The following HS2ST1 variants were observed in gnomAD, a reference collection of about 807,000 sequenced individuals.
The protein encoded by HS2ST1 is 2-O-sulfotransferase.
HS2ST1 carries 18 observed loss-of-function variants against 42.9 expected under a neutral mutation model. The ratio of observed to expected loss-of-function variants is 0.42; its 90% CI spans 0.29 to 0.62. The LOEUF (loss-of-function observed/expected upper bound fraction) is 0.62. Ranked by LOEUF, HS2ST1 falls within the 20% of genes least tolerant of loss-of-function variation. The probability of loss-of-function intolerance (pLI) is 0.21; values close to 1 mark genes in which losing one functional copy is unlikely to be tolerated. For missense variants in HS2ST1, 334 were observed against 433.8 expected (o/e 0.77, Z 2.04); for synonymous variants, 146 against 152.9 (o/e 0.95, Z 0.33).
chr1:86,923,003 A>G (rs908339608), intron 1 of HS2ST1, among the ~76,000 whole-genome samples: 2 of 151,704 alleles, frequency 1.3e-5, no homozygotes, highest in East Asian at 1.9e-4. Flanking sequence ...GTGATGTTCT[A>G]TTCATCATTC....
chr1:87,107,070 C>T lies in HS2ST1; in HGVS notation c.*2374C>T, dbSNP rs1652341681. On this transcript the variant is annotated 3_prime_UTR_variant, in exon 7 of 7. Coordinates refer to ENST00000370550, the MANE Select transcript of HS2ST1 (RefSeq NM_012262.4). The stretch of plus-strand genomic sequence containing the variant: ...TGAGCACAGTTATGTTCCAATAAAA[C>T]TTTATTTACAAAAACAGATGACATC... 1 of 152,052 alleles carries T rather than the reference C, an allele frequency of 6.6e-6. No homozygotes were observed. The highest frequency in any genetic ancestry group is 2.4e-5 in the African/African-American group (1 of 41,450). The allele number at this position is 152,052 out of a possible 1,614,324, so 9.4% of individuals were successfully genotyped here.
At position 87,064,483 on chromosome 1, in the gene HS2ST1, A is replaced by G. The variant is rs777261377; in HGVS notation, c.125-8451A>G. On this transcript the variant is annotated intron_variant, in intron 1 of 6. Coordinates refer to ENST00000370550, the MANE Select transcript of HS2ST1 (RefSeq NM_012262.4). Reference sequence around the variant, plus strand: ...TGGAAGTCACTGTTAGCTCTTTTTTATAGGATGATTCATATAACCATAACT... The same window carrying G: ...TGGAAGTCACTGTTAGCTCTTTTTTGTAGGATGATTCATATAACCATAACT... 7.3e-5 allele frequency: 38 copies of G among 518,610 alleles called. No individual in the cohort carries two copies. The East Asian group carries it at 1.2e-3, about 16-fold the overall frequency. 32.1% of individuals were successfully genotyped at this position (518,610 alleles called of 1,614,324 possible).
At chr1:87,071,480 C>A (rs947213415) in intron 1 of HS2ST1, among the ~76,000 whole-genome samples, 4 of 152,050 alleles carry the variant, frequency 2.6e-5, no homozygotes, top group Non-Finnish European at 4.4e-5. Context: ...CCTGTAATCC[C>A]AGCACTTTGG....
intron 1 of HS2ST1, among the ~76,000 whole-genome samples, chr1:87,017,262 G>A (rs1334354330): frequency 2.6e-5 from 4 of 151,996 alleles, no homozygotes; most frequent in African/African-American, 9.7e-5. Context: ...TCAACCTCCC[G>A]AGTAGCTGGG....
chr1:86,930,552 A>G (rs1660522411), intron 1 of HS2ST1, among the ~76,000 whole-genome samples: 1 of 151,896 alleles, frequency 6.6e-6, no homozygotes, highest in Non-Finnish European at 1.5e-5. Flanking sequence ...TTTGGGAGTT[A>G]TCTTGTAGAA....
In HS2ST1 at chr1:87,092,668, A is replaced by G; in HGVS notation, c.587A>G (p.Lys196Arg). 6.6e-7 allele frequency: 1 copy of G among 1,521,220 alleles called. No individual in the cohort carries two copies. The highest frequency in any genetic ancestry group is 8.8e-7 in the Non-Finnish European group (1 of 1,139,154). The allele number at this position is 1,521,220 out of a possible 1,614,324, so 94.2% of individuals were successfully genotyped here. A position where few individuals can be genotyped will look rare whatever the true frequency, so the allele number is the denominator to read the frequency against. ...CGGAGACGAAAACAAGGAGACAAAA[A>G]GGTAATATTTTAGTTTTAAGATTTT... ...GLRRRKQGDK[K>R]TFDECVAEGG... The change falls in exon 4 of 7, where the codon AAG becomes AGG. Residue 196 changes from lysine to arginine, a missense_variant and splice_region_variant. Physicochemically the swap from Lys to Arg is conservative, Grantham distance 26 (BLOSUM62 2). Transcript: ENST00000370550.
chr1:86,982,491 C>T (rs777258996), intron 1 of HS2ST1, among the ~76,000 whole-genome samples: 2 of 152,062 alleles, frequency 1.3e-5, no homozygotes, highest in African/African-American at 4.8e-5. Context: ...TATGACTGAA[C>T]GCTTTCAGAA....
chr1:87,028,373 T>C (rs1381108593), intron 1 of HS2ST1, among the ~76,000 whole-genome samples: 1 of 152,240 alleles, frequency 6.6e-6, no homozygotes, highest in East Asian at 1.9e-4. Context: ...TACTTAGTTT[T>C]CAAAAGACTT....
rs140666742 is a variant in HS2ST1, at chr1:86,943,309, A to G, written c.124+28149A>G. Among the ~76,000 whole-genome samples, 163 of 152,324 alleles carry G rather than the reference A, an allele frequency of 1.1e-3. 1 individual carries two copies. The East Asian group carries it at 0.027, about 25-fold the overall frequency. ...TTATGGAGAAAAACTTTGGATTCCAATTGAAACGAGAAGAAATTATTGTTA... is the reference window on the plus strand; with the variant it reads ...TTATGGAGAAAAACTTTGGATTCCAGTTGAAACGAGAAGAAATTATTGTTA... On this transcript the variant is annotated intron_variant, in intron 1 of 6. Transcript: ENST00000370550.
intron 1 of HS2ST1, among the ~76,000 whole-genome samples, chr1:86,967,597 G>A (rs1648085739): frequency 6.6e-6 from 1 of 152,140 alleles, no homozygotes; most frequent in Admixed American, 6.5e-5. Flanking sequence ...ATGGCTTCCA[G>A]TTCCATCCAA....
At chr1:87,103,209 T>C (rs1312445837) in intron 5 of HS2ST1, among the ~76,000 whole-genome samples, 2 of 152,244 alleles carry the variant, frequency 1.3e-5, no homozygotes, top group Non-Finnish European at 2.9e-5. Context: ...TTAAGAGTCC[T>C]CTGGTAAACT....
At chr1:87,097,527 G>A (rs1447040257) in intron 4 of HS2ST1, among the ~76,000 whole-genome samples, 1 of 152,084 alleles carries the variant, frequency 6.6e-6, no homozygotes, top group Non-Finnish European at 1.5e-5. Flanking sequence ...CTGAGTAGCT[G>A]GGACTACAGG....
At chr1:87,100,818 G>A (rs1193049692) in intron 5 of HS2ST1, among the ~76,000 whole-genome samples, 3 of 152,156 alleles carry the variant, frequency 2.0e-5, no homozygotes, top group African/African-American at 2.4e-5. Flanking sequence ...CTACTTGGGA[G>A]GCTAAGGTAG....
chr1:87,051,661 C>T lies in HS2ST1; in HGVS notation c.125-21273C>T, dbSNP rs554296434. ...ATTATGGTCAAGCATTAGTTTTTGT[C>T]GATTGATAACAACTGTCCAGCATTT... On this transcript the variant is annotated intron_variant, in intron 1 of 6. Coordinates refer to ENST00000370550, the MANE Select transcript of HS2ST1 (RefSeq NM_012262.4). Among the ~76,000 whole-genome samples, 293 of 152,152 alleles carry T rather than the reference C, an allele frequency of 1.9e-3. 1 individual carries two copies. Among genetic ancestry groups the T allele is most frequent in the Non-Finnish European group, 3.0e-3 (205 of 67,998 alleles).
intron 1 of HS2ST1, among the ~76,000 whole-genome samples, chr1:86,960,890 A>G (rs573574664): frequency 6.6e-6 from 1 of 152,302 alleles, no homozygotes; most frequent in East Asian, 1.9e-4. Context: ...TATTCTTACC[A>G]TATGATCCAG....
At chr1:87,083,838 C>T (rs1651748668) in intron 2 of HS2ST1, among the ~76,000 whole-genome samples, 1 of 152,104 alleles carries the variant, frequency 6.6e-6, no homozygotes, top group South Asian at 2.1e-4. Flanking sequence ...CTGGAATGTT[C>T]CTGTATTGCC....
chr1:87,096,415 A>G (rs1652068307), intron 4 of HS2ST1, among the ~76,000 whole-genome samples: 1 of 152,220 alleles, frequency 6.6e-6, no homozygotes, highest in Non-Finnish European at 1.5e-5. Context: ...TACAGCGTTA[A>G]AAACTCATAT....
At chr1:87,095,044 G>C (rs1652029652) in intron 4 of HS2ST1, among the ~76,000 whole-genome samples, 1 of 152,066 alleles carries the variant, frequency 6.6e-6, no homozygotes, top group Non-Finnish European at 1.5e-5. Context: ...AATTTGGCTT[G>C]TTTCTTATGA....
At chr1:86,939,898 C>T (rs1660727638) in intron 1 of HS2ST1, among the ~76,000 whole-genome samples, 1 of 152,072 alleles carries the variant, frequency 6.6e-6, no homozygotes, top group South Asian at 2.1e-4. Flanking sequence ...AATTAACTGC[C>T]TAAAGTAACA....
Sources: allele counts gnomAD v4.1 joint callset (sites outside exome capture counted in the v4.1 genomes callset), GRCh38; gene constraint gnomAD v4.1.1; transcripts MANE v1.5; gene names NCBI Gene and HGNC (gene_info 2026-07-23, HGNC 2026-07-21).